The following UGGT2 variants were observed in gnomAD, a reference collection of about 807,000 sequenced individuals.
The protein encoded by UGGT2 is UDP-glucose glycoprotein glucosyltransferase 2.
In UGGT2, 180 loss-of-function variants were observed where a neutral mutation model predicts 192.1. The ratio of observed to expected loss-of-function variants is 0.94; its 90% CI spans 0.83 to 1.06. UGGT2 has a LOEUF of 1.06. UGGT2 is among the 50% of genes least tolerant of loss of function. The pLI is 0.00. For synonymous variants in UGGT2, 580 were observed against 591.0 expected, an observed-to-expected ratio of 0.98 and a Z score of 0.27; for missense variants, 1,849 against 1,795.7, an observed-to-expected ratio of 1.03 and a Z score of -0.54.
chr13:96,031,177 TTC>T (rs2052823110), intron 2 of UGGT2, among the ~76,000 whole-genome samples: 1 of 152,162 alleles, frequency 6.6e-6, no homozygotes. Context: ...TCTCTGTACT[TTC>T]TGTCCAATTT....
intron 20 of UGGT2, among the ~76,000 whole-genome samples, chr13:95,916,819 C>T (rs1312082203): frequency 6.6e-6 from 1 of 151,884 alleles, no homozygotes; most frequent in Non-Finnish European, 1.5e-5. Context: ...TGAAAACTAT[C>T]TTGCTGAAAT....
chr13:96,047,368 T>C lies in UGGT2; in HGVS notation c.158+5787A>G, dbSNP rs560453557. Among the ~76,000 whole-genome samples the C allele has an allele frequency of 2.0e-4, 30 of 152,198 alleles. No homozygotes were observed. The South Asian group carries it at 2.9e-3, about 15-fold the overall frequency. ...ATACCCAGGCAAACAGGGTCTGGAG[T>C]GGACCTCCAGCAAACTCCAACAGAC... On this transcript the variant is annotated intron_variant, in intron 1 of 38. Transcript: ENST00000376747.
chr13:95,909,378 T>A (rs1594296406), intron 20 of UGGT2, among the ~76,000 whole-genome samples: 3 of 151,418 alleles, frequency 2.0e-5, no homozygotes, highest in South Asian at 4.2e-4. Context: ...ATAGACTGGA[T>A]TAAGAAAATG....
At chr13:95,930,942 G>T (rs2049236615) in intron 17 of UGGT2, among the ~76,000 whole-genome samples, 1 of 152,202 alleles carries the variant, frequency 6.6e-6, no homozygotes. Flanking sequence ...GCAGCAGAAA[G>T]ATTTACTGCA....
intron 4 of UGGT2, among the ~76,000 whole-genome samples, chr13:96,020,926 G>A (rs2052495100): frequency 6.6e-6 from 1 of 152,206 alleles, no homozygotes. Context: ...AAAGACAAAT[G>A]ACTTTACTGC....
chr13:96,047,277 G>A (rs917812909), intron 1 of UGGT2, among the ~76,000 whole-genome samples: 2 of 152,190 alleles, frequency 1.3e-5, no homozygotes, highest in African/African-American at 4.8e-5. Context: ...GAAGCTTCCA[G>A]AGGAACAATA....
intron 29 of UGGT2, among the ~76,000 whole-genome samples, chr13:95,870,807 G>A (rs1345106899): frequency 2.0e-5 from 3 of 152,238 alleles, no homozygotes; most frequent in Non-Finnish European, 4.4e-5. Flanking sequence ...CATTGTGGCA[G>A]TATTAAGAGG....
chr13:95,986,436 G>T lies in UGGT2; in HGVS notation c.932-4C>A. 2 of 1,569,152 alleles carry T rather than the reference G, an allele frequency of 1.3e-6. No homozygotes were observed. Among genetic ancestry groups the T allele is most frequent in the Middle Eastern group, 1.7e-4 (1 of 5,874 alleles). The stretch of plus-strand genomic sequence containing the variant: ...GAAGCTGCTTGAAAACTAAGATCTG[G>T]AAGGAAAAATATTATTAAGGAATCT... On this transcript the variant is annotated splice_polypyrimidine_tract_variant and splice_region_variant and intron_variant, in intron 8 of 38. Transcript: ENST00000376747.
chr13:96,013,106 A>C (rs1298961282), intron 5 of UGGT2, among the ~76,000 whole-genome samples: 1 of 152,120 alleles, frequency 6.6e-6, no homozygotes, highest in Non-Finnish European at 1.5e-5. Context: ...GCCAGATATA[A>C]GGCAAAGAAT....
intron 6 of UGGT2, among the ~76,000 whole-genome samples, chr13:95,997,673 T>A (rs2051668890): frequency 1.3e-5 from 2 of 151,882 alleles, no homozygotes. Context: ...TGTGAAGTCT[T>A]TAGAAGAAAT....
chr13:95,999,446 GGTT>G (rs1483696945), intron 5 of UGGT2, 139 bp from the exon 6 acceptor site: 14 of 725,132 alleles, frequency 1.9e-5, no homozygotes, highest in African/African-American at 3.6e-5. Flanking sequence ...AAAATTTGGG[GGTT>G]GTTTATATTG....
chr13:95,947,161 A>G lies in UGGT2; in HGVS notation c.1553T>C (p.Val518Ala), dbSNP rs769732775. Residue 518 changes from valine (V) to alanine (A), a missense_variant, in exon 15 of 39, where the codon GTG becomes GCG. Coordinates refer to ENST00000376747, the MANE Select transcript of UGGT2 (RefSeq NM_020121.4). Reference sequence around the variant, plus strand: ...TTCATCATCTGTATTAAGAATGAACACAAAACCAATTCTGGAAAAAGAAGA... The same window carrying G: ...TTCATCATCTGTATTAAGAATGAACGCAAAACCAATTCTGGAAAAAGAAGA... Reference protein sequence around the residue: ...SHEVPLRIGFVFILNTDDEVD... With the variant: ...SHEVPLRIGFAFILNTDDEVD... The G allele has an allele frequency of 6.3e-7, 1 of 1,598,754 alleles. No individual in the cohort carries two copies. The highest frequency in any genetic ancestry group is 1.1e-5 in the South Asian group (1 of 87,392).
chr13:95,818,304 C>A (rs1245264181), intron 38 of UGGT2, among the ~76,000 whole-genome samples: 2 of 152,090 alleles, frequency 1.3e-5, no homozygotes, highest in Admixed American at 1.3e-4. Flanking sequence ...AGTGTGAGAC[C>A]CTGTCTCAAA....
intron 36 of UGGT2, among the ~76,000 whole-genome samples, chr13:95,844,415 A>G (rs754246805): frequency 3.9e-5 from 6 of 152,236 alleles, no homozygotes; most frequent in Non-Finnish European, 7.3e-5. Context: ...GGGAGAAACC[A>G]CATCTTAACA....
intron 1 of UGGT2, among the ~76,000 whole-genome samples, chr13:96,039,677 T>C (rs1306671552): frequency 6.6e-6 from 1 of 152,228 alleles, no homozygotes; most frequent in Admixed American, 6.5e-5. Context: ...CATTTTAATA[T>C]AGGCAGCGAG....
intron 11 of UGGT2, among the ~76,000 whole-genome samples, chr13:95,972,237 C>T (rs149933478): frequency 6.6e-6 from 1 of 152,136 alleles, no homozygotes; most frequent in East Asian, 1.9e-4. Flanking sequence ...GGGAAATACC[C>T]CATGTTGACT....
intron 12 of UGGT2, among the ~76,000 whole-genome samples, chr13:95,964,297 T>G (rs545842883): frequency 1.6e-4 from 25 of 152,278 alleles, no homozygotes; most frequent in African/African-American, 5.3e-4. Context: ...CACCATCACT[T>G]ACCATGTACA....
rs1162210291 is a variant in UGGT2, at chr13:95,986,564, C to T, written c.932-132G>A. On this transcript the variant is annotated intron_variant, in intron 8 of 38. Coordinates refer to ENST00000376747, the MANE Select transcript of UGGT2 (RefSeq NM_020121.4). ...TACAAACATGTTAATACTGTTACAT[C>T]TGCATTTTTAAAAAGTTTTAAATGT... is the stretch of plus-strand genomic sequence containing the variant. 12 of 547,700 alleles carry T rather than the reference C, an allele frequency of 2.2e-5. No individual in the cohort carries two copies. In the Admixed American group the frequency reaches 2.8e-4, roughly 13 times the overall value. The allele number at this position is 547,700 out of a possible 1,614,324, so 33.9% of individuals were successfully genotyped here.
chr13:96,014,489 T>C (rs1046245940), intron 4 of UGGT2, among the ~76,000 whole-genome samples: 1 of 152,196 alleles, frequency 6.6e-6, no homozygotes, highest in African/African-American at 2.4e-5. Flanking sequence ...ACAGAATAAT[T>C]TGAGAGATTT....
Sources: allele counts gnomAD v4.1 joint callset (sites outside exome capture counted in the v4.1 genomes callset), GRCh38; gene constraint gnomAD v4.1.1; transcripts MANE v1.5; gene names NCBI Gene and HGNC (gene_info 2026-07-23, HGNC 2026-07-21).